MAP3K4: variants seen among roughly 807,000 people sequenced by gnomAD.
MAP3K4 encodes MAP three kinase 1.
A neutral mutation model predicts 185.6 loss-of-function variants in MAP3K4; 67 were observed. The ratio of observed to expected loss-of-function variants is 0.36; its 90% confidence interval spans 0.30 to 0.44. The LOEUF (loss-of-function observed/expected upper bound fraction) is 0.44, where lower values mean the gene tolerates loss of function less well. MAP3K4 is among the 20% of genes least tolerant of loss of function. MAP3K4 has a pLI of 1.00. For missense variants in MAP3K4, 1,551 were observed against 1,995.1 expected (o/e 0.78, Z 4.24); for synonymous variants, 702 against 710.4 (o/e 0.99, Z 0.19).
Position 161,034,263 on chromosome 6 carries a change from G to A in MAP3K4, c.157G>A (p.Glu53Lys), listed in dbSNP as rs1783056659. 6.2e-7 allele frequency: 1 copy of A among 1,612,588 alleles called. No homozygotes were observed. The highest frequency in any genetic ancestry group is 2.2e-5 in the East Asian group (1 of 44,868). The change falls in exon 2 of 27, where the codon GAG becomes AAG. Residue 53 changes from glutamate (E) to lysine (K), a missense_variant. Glu to Lys is a moderately conservative substitution (Grantham distance 56). This residue lies in a region of MAP3K4 where 287 missense variants were observed against 268.8 expected (regional missense o/e 1.07). Transcript: ENST00000392142. The surrounding 1 kb of genome is among the most constrained non-coding windows in gnomAD (Gnocchi z 4.4). ...EPECCLAARQ[E>K]GTLGDSACKS... ...CCTGCACACTGTCTTTCATAGGCAA[G>A]AGGGCACATTGGGAGATTCAGCTTG...
intron 5 of MAP3K4, among the ~76,000 whole-genome samples, chr6:161,079,012 G>A (rs1012772843): frequency 6.6e-6 from 1 of 152,014 alleles, no homozygotes; most frequent in Non-Finnish European, 1.5e-5. Context: ...TCAGGAGTTC[G>A]AGACCAGCCT....
chr6:161,112,062 G>A lies in MAP3K4; in HGVS notation c.4519+104G>A. On this transcript the variant is annotated intron_variant, in intron 24 of 26. Coordinates refer to ENST00000392142, the MANE Select transcript of MAP3K4 (RefSeq NM_005922.4). This position sits in a 1 kb window ranked among gnomAD's most constrained non-coding sequence, Gnocchi z 5.1. ...TTTGTCAGTAGAGATGGGAGAGCAG[G>A]TAAAGGTTTTCAGTCGTGAGAAGGA... 2.0e-6 allele frequency: 3 copies of A among 1,470,332 alleles called. No homozygotes were observed. The highest frequency in any genetic ancestry group is 2.7e-6 in the Non-Finnish European group (3 of 1,092,896). The allele number at this position is 1,470,332 out of a possible 1,614,324, so 91.1% of individuals were successfully genotyped here. A position where few individuals can be genotyped will look rare whatever the true frequency, so the allele number is the denominator to read the frequency against.
At chr6:161,009,734 C>T (rs1487648461) in intron 1 of MAP3K4, among the ~76,000 whole-genome samples, 1 of 152,048 alleles carries the variant, frequency 6.6e-6, no homozygotes, top group Non-Finnish European at 1.5e-5. Flanking sequence ...CCAATTTCCA[C>T]CAGGAATATA....
chr6:161,023,190 T>G (rs984810176), intron 1 of MAP3K4, among the ~76,000 whole-genome samples: 17 of 152,336 alleles, frequency 1.1e-4, no homozygotes, highest in African/African-American at 4.1e-4. Context: ...CCTATCCTAT[T>G]ATTTTCCTTT....
rs1415457069 is a variant in MAP3K4, at chr6:160,991,960, C to T, written c.29C>T (p.Pro10Leu). Residue 10 changes from proline (P) to leucine (L), a missense_variant, in exon 1 of 27, where the codon CCT becomes CTT. By Grantham distance (98) the Pro-to-Leu change is moderately conservative (BLOSUM62 -3). This residue lies in a region of MAP3K4 where 287 missense variants were observed against 268.8 expected (regional missense o/e 1.07). Coordinates refer to ENST00000392142, the MANE Select transcript of MAP3K4 (RefSeq NM_005922.4). This position sits in a 1 kb window ranked among gnomAD's most constrained non-coding sequence, Gnocchi z 5.7. MREAAAALV[P>L]PPAFAVTPAA... ...AGAGAAGCCGCTGCCGCGCTGGTCCCTCCTCCCGCCTTTGCCGTCACGCCT... is the reference window on the plus strand; with the variant it reads ...AGAGAAGCCGCTGCCGCGCTGGTCCTTCCTCCCGCCTTTGCCGTCACGCCT... 5 of 1,546,276 alleles carry T rather than the reference C, an allele frequency of 3.2e-6. No homozygotes were observed. In the African/African-American group the frequency reaches 4.2e-5, roughly 13 times the overall value.
chr6:161,044,273 A>T (rs1322847566), intron 2 of MAP3K4, among the ~76,000 whole-genome samples: 2 of 152,214 alleles, frequency 1.3e-5, no homozygotes, highest in East Asian at 3.8e-4. Context: ...GAACTTGCCA[A>T]ATAAAACATT....
chr6:161,076,036 C>A lies in MAP3K4; in HGVS notation c.2097+2424C>A, dbSNP rs1192415356. Among the ~76,000 whole-genome samples, 1 of 152,140 alleles carries A rather than the reference C, an allele frequency of 6.6e-6. No individual in the cohort carries two copies. Among genetic ancestry groups the A allele is most frequent in the Non-Finnish European group, 1.5e-5 (1 of 68,020 alleles). On this transcript the variant is annotated intron_variant, in intron 5 of 26. Coordinates refer to ENST00000392142, the MANE Select transcript of MAP3K4 (RefSeq NM_005922.4). The surrounding 1 kb of genome is among the most constrained non-coding windows in gnomAD (Gnocchi z 4.2). ...ACCGAAAACAGCAAATGGAAAAATT[C>A]CTTCTTCAGAGAAGGAGGAAATTGG...
rs1321695665 is a variant in MAP3K4, at chr6:161,102,778, A to C, written c.3855A>C (p.Lys1285Asn). ...TTCGGACACTAATCAGCCAGAGTAAAGGTGAGAGAAAGAGTGTTGAAGTTA... is the reference window on the plus strand; with the variant it reads ...TTCGGACACTAATCAGCCAGAGTAACGGTGAGAGAAAGAGTGTTGAAGTTA... ...WELRTLISQSKDTASKLGPIE... is the reference protein window; with the variant it reads ...WELRTLISQSNDTASKLGPIE... The change falls in exon 19 of 27, where the codon AAA becomes AAC. Residue 1285 changes from lysine (K) to asparagine (N), a missense_variant and splice_region_variant. By Grantham distance (94) the Lys-to-Asn change is moderately conservative. Transcript: ENST00000392142. The C allele has an allele frequency of 6.7e-7, 1 of 1,481,902 alleles. No homozygotes were observed. The allele number at this position is 1,481,902 out of a possible 1,614,324, so 91.8% of individuals were successfully genotyped here. A position where few individuals can be genotyped will look rare whatever the true frequency, so the allele number is the denominator to read the frequency against.
intron 1 of MAP3K4, among the ~76,000 whole-genome samples, chr6:161,014,519 G>A (rs1431599917): frequency 6.6e-6 from 1 of 152,198 alleles, no homozygotes; most frequent in Non-Finnish European, 1.5e-5. Flanking sequence ...TCCAAATTTA[G>A]TGCTAGTCAC....
rs1784563085 is a variant in MAP3K4 at position 161,063,345 on chromosome 6, AG to A, written c.1708-7260del. On this transcript the variant is annotated intron_variant, in intron 3 of 26. Transcript: ENST00000392142. This position sits in a 1 kb window ranked among gnomAD's most constrained non-coding sequence, Gnocchi z 5.4. ...TTTCTGGCAAGCGCTCACTGTCTGG[AG>A]GGTTATTCTCCTTTTTCTCTCTCTG... Among the ~76,000 whole-genome samples the A allele has an allele frequency of 1.3e-5, 2 of 151,770 alleles. No individual in the cohort carries two copies. The highest frequency in any genetic ancestry group is 6.6e-5 in the Admixed American group (1 of 15,244).
At chr6:161,018,060 G>A (rs914064866) in intron 1 of MAP3K4, among the ~76,000 whole-genome samples, 1 of 152,150 alleles carries the variant, frequency 6.6e-6, no homozygotes. Context: ...AAACAAATAA[G>A]GCCAGGCTTT....
chr6:161,013,246 T>C (rs1408760620), intron 1 of MAP3K4, among the ~76,000 whole-genome samples: 4 of 152,210 alleles, frequency 2.6e-5, no homozygotes, highest in Non-Finnish European at 5.9e-5. Flanking sequence ...GGGACAGTTT[T>C]CATGTTTCAC....
chr6:161,045,868 T>C (rs916920905), intron 2 of MAP3K4, among the ~76,000 whole-genome samples: 1 of 152,176 alleles, frequency 6.6e-6, no homozygotes, highest in Non-Finnish European at 1.5e-5. Flanking sequence ...TGACTCAAAA[T>C]CATTTATTTG....
rs1783862706 is a variant in MAP3K4, at chr6:161,048,767, C to T, written c.495C>T (p.Phe165=). 6.2e-7 allele frequency: 1 copy of T among 1,614,074 alleles called. No individual in the cohort carries two copies. Residue 165 remains phenylalanine, a synonymous_variant, in exon 3 of 27, where the codon TTC becomes TTT. Coordinates refer to ENST00000392142, the MANE Select transcript of MAP3K4 (RefSeq NM_005922.4). The surrounding 1 kb of genome is among the most constrained non-coding windows in gnomAD (Gnocchi z 4.7). ...RDRKKNVQCS[F]MLDSVGGSLP... is the part of the protein sequence containing the mutation. ...GTAAAAAAAATGTACAGTGCTCATTCATGTTAGACTCAGTGGGTGGATCTT... is the reference window on the plus strand; with the variant it reads ...GTAAAAAAAATGTACAGTGCTCATTTATGTTAGACTCAGTGGGTGGATCTT...
At chr6:161,083,856 C>T (rs1320786681) in intron 6 of MAP3K4, among the ~76,000 whole-genome samples, 1 of 152,192 alleles carries the variant, frequency 6.6e-6, no homozygotes, top group Non-Finnish European at 1.5e-5. Flanking sequence ...TCTTTCTCCT[C>T]CTCCGACAAG....
intron 1 of MAP3K4, among the ~76,000 whole-genome samples, chr6:161,006,385 A>C (rs1399385242): frequency 6.6e-6 from 1 of 152,224 alleles, no homozygotes; most frequent in Admixed American, 6.5e-5. Context: ...ACACGTACAG[A>C]CTTTTTTATT....
intron 1 of MAP3K4, among the ~76,000 whole-genome samples, chr6:161,033,695 G>A (rs1783029899): frequency 1.3e-5 from 2 of 152,072 alleles, no homozygotes; most frequent in Non-Finnish European, 2.9e-5. Flanking sequence ...ATTTTTATCA[G>A]ACAACTTAGG....
At chr6:161,078,410 A>T (rs1026343703) in intron 5 of MAP3K4, among the ~76,000 whole-genome samples, 1 of 152,194 alleles carries the variant, frequency 6.6e-6, no homozygotes, top group African/African-American at 2.4e-5. Context: ...TGCAGTTGAA[A>T]GGATAAGCCC....
In MAP3K4 at chr6:161,102,703, A is replaced by G; in HGVS notation, c.3780A>G (p.Pro1260=). The G allele has an allele frequency of 6.4e-7, 1 of 1,573,272 alleles. No individual in the cohort carries two copies. Among genetic ancestry groups the G allele is most frequent in the Non-Finnish European group, 8.6e-7 (1 of 1,165,232 alleles). ...TATAAAAATAACTTCCTGCAGAACC[A>G]GCATATCCAAGAGGAGATTCAAGTG... ...HSSPTEERDE[P]AYPRGDSSGS... is the part of the protein sequence containing the mutation. Residue 1260 remains proline, a synonymous_variant, in exon 19 of 27, where the codon CCA becomes CCG. Coordinates refer to ENST00000392142, the MANE Select transcript of MAP3K4 (RefSeq NM_005922.4).
Sources: gnomAD v4.1 joint callset for allele counts (sites outside exome capture counted in the v4.1 genomes callset) on GRCh38, gnomAD v4.1.1 for gene constraint, gnomAD v4.1.1 regional missense constraint, Gnocchi (gnomAD v3.1) non-coding constraint, MANE v1.5 for transcripts, NCBI Gene and HGNC (gene_info 2026-07-23, HGNC 2026-07-21) for gene names.